Variants in ATP11C observed in about 807,000 individuals in gnomAD.
ATP11C encodes phospholipid-transporting ATPase IG.
Under a neutral mutation model 97.4 loss-of-function variants are expected in ATP11C, and 36 were observed. The ratio of observed to expected loss-of-function variants is 0.37; its 90% CI spans 0.28 to 0.49. The LOEUF is 0.49. Among genes scored for constraint, ATP11C ranks in the 20% least tolerant of loss-of-function variants. The probability of loss-of-function intolerance (pLI) is 0.98; values close to 1 mark genes in which losing one functional copy is unlikely to be tolerated. For missense variants in ATP11C, 730 were observed against 824.6 expected (o/e 0.89, Z 1.40); for synonymous variants, 275 against 290.9 (o/e 0.95, Z 0.56).
chrX:139,822,394 GTT>G (rs1232351743), intron 2 of ATP11C, among the ~76,000 whole-genome samples: 1 of 101,014 alleles, frequency 9.9e-6, no homozygotes, highest in African/African-American at 4.1e-5. Flanking sequence ...TGTTTTTTGG[GTT>G]TTTTTTGTTT....
chrX:139,912,010 T>C (rs2085082889), intron 1 of ATP11C, among the ~76,000 whole-genome samples: 1 of 108,022 alleles, frequency 9.3e-6, no homozygotes, highest in Admixed American at 1.0e-4. Context: ...ACCCCGTCTC[T>C]ACTAAAATAC....
At chrX:139,885,659 T>G (rs1238156541) in intron 1 of ATP11C, 1 of 112,074 alleles carries the variant, frequency 8.9e-6, no homozygotes, top group African/African-American at 3.2e-5. Flanking sequence ...AGACTAGTAA[T>G]GCAAGAATAG....
intron 4 of ATP11C, among the ~76,000 whole-genome samples, chrX:139,815,667 A>G (rs1250952026): frequency 8.9e-6 from 1 of 112,168 alleles, no homozygotes; most frequent in Non-Finnish European, 1.9e-5. Flanking sequence ...AAAGATCTAA[A>G]GGATGTTCAT....
chrX:139,791,809 C>T (rs1423946736), intron 12 of ATP11C, among the ~76,000 whole-genome samples: 6 of 111,450 alleles, frequency 5.4e-5, no homozygotes, highest in Non-Finnish European at 3.8e-5. Context: ...GACTCTCAAG[C>T]AGCCTCTCTT....
At chrX:139,896,585 ACACACAC>A (rs1347640781) in intron 1 of ATP11C, among the ~76,000 whole-genome samples, 3 of 104,062 alleles carry the variant, frequency 2.9e-5, no homozygotes, top group South Asian at 8.5e-4. Context: ...ACACACACAC[ACACACAC>A]ACTTTTTTTC....
intron 1 of ATP11C, among the ~76,000 whole-genome samples, chrX:139,918,883 A>G (rs1412422311): frequency 9.0e-6 from 1 of 110,912 alleles, no homozygotes; most frequent in Non-Finnish European, 1.9e-5. Flanking sequence ...TGTGAATACA[A>G]TTTGCACTAC....
chrX:139,845,914 G>A (rs765036790), intron 1 of ATP11C, among the ~76,000 whole-genome samples: 25 of 112,156 alleles, frequency 2.2e-4, no homozygotes, highest in Admixed American at 4.7e-4. Context: ...GAATAATTAC[G>A]TTTAAGAAAC....
chrX:139,831,322 G>GGCATTACCCAATGGCTTC (rs1308997050), intron 1 of ATP11C, among the ~76,000 whole-genome samples: 1 of 106,983 alleles, frequency 9.3e-6, no homozygotes, highest in Non-Finnish European at 1.9e-5. Context: ...TCTCTAATTA[G>GGCATTACCCAATGGCTTC]GCATTACCCA....
chrX:139,783,129 C>T, intron 17 of ATP11C, 35 bp downstream of exon 17: 2 of 937,515 alleles, frequency 2.1e-6, no homozygotes, highest in South Asian at 2.4e-5. Flanking sequence ...CATTTCTCTG[C>T]TTACTTATTG....
chrX:139,731,297 A>C (rs1390519457), intron 29 of ATP11C, among the ~76,000 whole-genome samples: 1 of 112,248 alleles, frequency 8.9e-6, no homozygotes, highest in Non-Finnish European at 1.9e-5. Context: ...TTAGTTTTCC[A>C]AATGATCTTT....
intron 1 of ATP11C, among the ~76,000 whole-genome samples, chrX:139,907,541 G>C (rs1045738665): frequency 1.8e-5 from 2 of 110,638 alleles, no homozygotes; most frequent in African/African-American, 6.6e-5. Context: ...GAGGTCAGGA[G>C]ATCGAGACCA....
intron 1 of ATP11C, among the ~76,000 whole-genome samples, chrX:139,912,301 T>C (rs979104520): frequency 7.3e-5 from 8 of 110,203 alleles, no homozygotes; most frequent in African/African-American, 2.6e-4. Context: ...GTTAGAACTA[T>C]AAAATAGAAT....
chrX:139,726,769 G>A lies in ATP11C; in HGVS notation c.*2197C>T, dbSNP rs1011494699. The A allele has an allele frequency of 1.8e-5, 2 of 111,955 alleles. No individual in the cohort carries two copies. Among genetic ancestry groups the A allele is most frequent in the African/African-American group, 6.5e-5 (2 of 30,761 alleles). The allele number at this position is 111,955 out of a possible 1,213,427, so 9.2% of individuals were successfully genotyped here. On this transcript the variant is annotated 3_prime_UTR_variant, in exon 30 of 30. Coordinates refer to ENST00000682941, the MANE Select transcript of ATP11C (RefSeq NM_001353812.2). ...CTCAAAATTATTCAAATTATAGGTA[G>A]ATGATCTTATTATATTTTTTTCCCT...
intron 1 of ATP11C, among the ~76,000 whole-genome samples, chrX:139,898,108 A>G (rs2084840195): frequency 9.0e-6 from 1 of 111,328 alleles, no homozygotes; most frequent in African/African-American, 3.3e-5. Flanking sequence ...CCTTTTGAAT[A>G]TGATGATTTC....
At chrX:139,826,915 C>T in intron 1 of ATP11C, 92 bp from the exon 2 acceptor site, 1 of 959,756 alleles carries the variant, frequency 1.0e-6, no homozygotes, top group Non-Finnish European at 1.4e-6. Flanking sequence ...CATGCTGGGC[C>T]ATAATCTGGC....
chrX:139,773,321 C>T (rs2082290291), intron 19 of ATP11C, among the ~76,000 whole-genome samples: 1 of 110,920 alleles, frequency 9.0e-6, no homozygotes, highest in African/African-American at 3.3e-5. Context: ...GACTAATACA[C>T]TGACTTTAGA....
At chrX:139,788,851 C>T (rs1049688813) in intron 13 of ATP11C, among the ~76,000 whole-genome samples, 1 of 112,106 alleles carries the variant, frequency 8.9e-6, no homozygotes, top group Non-Finnish European at 1.9e-5. Context: ...GTAAATTCTA[C>T]TCATTTACAA....
chrX:139,802,934 T>C (rs771885632), intron 6 of ATP11C, among the ~76,000 whole-genome samples: 1 of 111,872 alleles, frequency 8.9e-6, no homozygotes, highest in African/African-American at 3.2e-5. Context: ...TCTACTAGTG[T>C]ATATTATGCA....
chrX:139,804,534 A>G lies in ATP11C; in HGVS notation c.492T>C (p.Ser164=), dbSNP rs1184870137. 11 of 1,196,893 alleles carry G rather than the reference A, an allele frequency of 9.2e-6. No homozygotes were observed. The African/African-American group carries it at 1.8e-4, about 19-fold the overall frequency. ...TFPCDLILLS[S]CTTDGTCYVT... is the part of the protein sequence containing the mutation. Reference sequence around the variant, plus strand: ...CATAACAGGTTCCATCAGTGGTGCAAGATGATAGAAGAATAAGATCACAGG... The same window carrying G: ...CATAACAGGTTCCATCAGTGGTGCAGGATGATAGAAGAATAAGATCACAGG... The change falls in exon 6 of 30, where the codon TCT becomes TCC. Residue 164 remains serine (S), a synonymous_variant. Transcript: ENST00000682941.
Sources: gnomAD v4.1 joint callset for allele counts (sites outside exome capture counted in the v4.1 genomes callset) on GRCh38, gnomAD v4.1.1 for gene constraint, MANE v1.5 for transcripts, NCBI Gene and HGNC (gene_info 2026-07-23, HGNC 2026-07-21) for gene names.